The following HCN1 variants were observed in gnomAD, a reference collection of about 807,000 sequenced individuals.
The protein encoded by HCN1 is potassium/sodium hyperpolarization-activated cyclic nucleotide-gated channel 1.
A neutral mutation model predicts 78.9 loss-of-function variants in HCN1; 13 were observed. The observed-to-expected ratio is 0.16, with a 90% CI of 0.11 to 0.26. The LOEUF (loss-of-function observed/expected upper bound fraction) is 0.26, where lower values mean the gene tolerates loss of function less well. Ranked by LOEUF, HCN1 falls within the 10% of genes least tolerant of loss-of-function variation. The probability of loss-of-function intolerance (pLI) is 1.00; values close to 1 mark genes in which losing one functional copy is unlikely to be tolerated. For missense variants in HCN1, 810 were observed against 1,154.3 expected, an observed-to-expected ratio of 0.70 and a Z score of 4.32; for synonymous variants, 552 against 455.5, an observed-to-expected ratio of 1.21 and a Z score of -2.70.
At position 45,333,630 on chromosome 5, in the gene HCN1, A is replaced by C. The variant is rs1163291561; in HGVS notation, c.1377+19470T>G. Among the ~76,000 whole-genome samples, 3 of 151,776 alleles carry C rather than the reference A, an allele frequency of 2.0e-5. No homozygotes were observed. The East Asian group carries it at 5.8e-4, about 30-fold the overall frequency. On this transcript the variant is annotated intron_variant, in intron 5 of 7. Coordinates refer to ENST00000303230, the MANE Select transcript of HCN1 (RefSeq NM_021072.4). ...CTTTATAGTTTGATGCCCTGGATTT[A>C]AGCCTATAATACATTTTGATTTGAT...
At chr5:45,373,018 T>C (rs1360510020) in intron 4 of HCN1, among the ~76,000 whole-genome samples, 1 of 137,314 alleles carries the variant, frequency 7.3e-6, no homozygotes, top group Non-Finnish European at 1.5e-5. Flanking sequence ...ATAAAATATA[T>C]ATATTTTACA....
intron 3 of HCN1, among the ~76,000 whole-genome samples, chr5:45,409,482 C>A (rs936807721): frequency 1.3e-5 from 2 of 152,028 alleles, no homozygotes; most frequent in African/African-American, 4.8e-5. Flanking sequence ...TTAAAAAGAG[C>A]TTTCCCATTA....
intron 2 of HCN1, among the ~76,000 whole-genome samples, chr5:45,489,311 A>C (rs1283769561): frequency 2.0e-5 from 3 of 152,200 alleles, no homozygotes; most frequent in African/African-American, 7.2e-5. Context: ...GCCTGAAAAG[A>C]TAACTTGGGG....
At chr5:45,497,026 T>G (rs1487389056) in intron 2 of HCN1, among the ~76,000 whole-genome samples, 1 of 152,226 alleles carries the variant, frequency 6.6e-6, no homozygotes, top group Non-Finnish European at 1.5e-5. Context: ...AGTGAGATTC[T>G]TAATCCTGAG....
At chr5:45,468,292 G>A (rs371457382) in intron 2 of HCN1, among the ~76,000 whole-genome samples, 3 of 152,086 alleles carry the variant, frequency 2.0e-5, no homozygotes, top group East Asian at 1.9e-4. Context: ...TCATAACAAC[G>A]ATATGCTCAT....
rs745561895 is a variant in HCN1, at chr5:45,262,619, G to A, written c.1975C>T (p.Arg659Cys). The A allele has an allele frequency of 1.2e-5, 19 of 1,613,874 alleles. No homozygotes were observed. Among genetic ancestry groups the A allele is most frequent in the Middle Eastern group, 1.6e-4 (1 of 6,062 alleles). The change falls in exon 8 of 8, where the codon CGC becomes TGC. Residue 659 changes from arginine (R) to cysteine (C), a missense_variant. Transcript: ENST00000303230. ...STSSTTTPTSRMRTQSPPVYT... is the reference protein window; with the variant it reads ...STSSTTTPTSCMRTQSPPVYT... ...ACCGGTGGAGATTGTGTCCTCATGC[G>A]GGAGGTCGGGGTCGTAGTAGACGAT...
chr5:45,345,667 C>G (rs985480092), intron 5 of HCN1, among the ~76,000 whole-genome samples: 1 of 152,222 alleles, frequency 6.6e-6, no homozygotes, highest in Non-Finnish European at 1.5e-5. Context: ...TCATCTCCAT[C>G]TGAGACCATC....
At chr5:45,584,166 G>C (rs2111929034) in intron 2 of HCN1, among the ~76,000 whole-genome samples, 1 of 152,294 alleles carries the variant, frequency 6.6e-6, no homozygotes, top group Admixed American at 6.5e-5. Flanking sequence ...GGGAGTCTAA[G>C]TCTCTTTGTG....
intron 2 of HCN1, among the ~76,000 whole-genome samples, chr5:45,472,281 A>T (rs950066998): frequency 9.2e-5 from 14 of 151,864 alleles, no homozygotes; most frequent in Non-Finnish European, 1.8e-4. Flanking sequence ...TCCTCAGGAA[A>T]GACTTTTTTG....
chr5:45,298,154 G>A (rs1371533142), intron 6 of HCN1, among the ~76,000 whole-genome samples: 1 of 152,026 alleles, frequency 6.6e-6, no homozygotes, highest in African/African-American at 2.4e-5. Flanking sequence ...GACTTTATGA[G>A]TTGACTGGCT....
At chr5:45,480,447 A>G (rs957730824) in intron 2 of HCN1, among the ~76,000 whole-genome samples, 11 of 152,152 alleles carry the variant, frequency 7.2e-5, no homozygotes, top group Admixed American at 4.6e-4. Flanking sequence ...TCCACTGAAA[A>G]CTCATTAAGT....
chr5:45,582,964 T>C (rs1299600357), intron 2 of HCN1, among the ~76,000 whole-genome samples: 2 of 138,824 alleles, frequency 1.4e-5, no homozygotes, highest in African/African-American at 2.6e-5. Flanking sequence ...TCATCAAGGA[T>C]ATTGGTCTAA....
chr5:45,592,461 T>G (rs1366478000), intron 2 of HCN1, among the ~76,000 whole-genome samples: 1 of 152,184 alleles, frequency 6.6e-6, no homozygotes, highest in Non-Finnish European at 1.5e-5. Flanking sequence ...AAACAAATAA[T>G]AGATGATACT....
chr5:45,332,167 T>C (rs1159945881), intron 5 of HCN1, among the ~76,000 whole-genome samples: 2 of 151,474 alleles, frequency 1.3e-5, no homozygotes, highest in Non-Finnish European at 3.0e-5. Context: ...CACAGGCATC[T>C]TTCTAATCTT....
chr5:45,398,633 G>T (rs1426639057), intron 3 of HCN1, among the ~76,000 whole-genome samples: 4 of 152,044 alleles, frequency 2.6e-5, no homozygotes. Flanking sequence ...CCTGTAACTT[G>T]TCAAGGCCGT....
intron 2 of HCN1, among the ~76,000 whole-genome samples, chr5:45,544,882 C>G (rs1221914176): frequency 6.6e-6 from 1 of 152,094 alleles, no homozygotes; most frequent in African/African-American, 2.4e-5. Context: ...CAAGTCTTTG[C>G]TATTGTGAAT....
intron 2 of HCN1, among the ~76,000 whole-genome samples, chr5:45,532,429 A>G (rs1742873324): frequency 6.6e-6 from 1 of 152,194 alleles, no homozygotes; most frequent in African/African-American, 2.4e-5. Flanking sequence ...TGTGATTTCC[A>G]ACCTTTAAGC....
chr5:45,373,749 C>T (rs1446605240), intron 4 of HCN1, among the ~76,000 whole-genome samples: 1 of 118,678 alleles, frequency 8.4e-6, no homozygotes, highest in Admixed American at 1.1e-4. Flanking sequence ...TAATATATTA[C>T]ATACGGTATA....
chr5:45,294,791 G>A (rs545774912), intron 6 of HCN1, among the ~76,000 whole-genome samples: 1 of 151,936 alleles, frequency 6.6e-6, no homozygotes, highest in Non-Finnish European at 1.5e-5. Context: ...AAATAAAAGG[G>A]CCATGGATAG....
Sources: allele counts gnomAD v4.1 joint callset (sites outside exome capture counted in the v4.1 genomes callset), GRCh38; gene constraint gnomAD v4.1.1; transcripts MANE v1.5; gene names NCBI Gene and HGNC (gene_info 2026-07-23, HGNC 2026-07-21).